Variants in CDV3 observed in about 807,000 individuals in gnomAD.
CDV3 encodes CDV3 homolog.
In CDV3, 14 loss-of-function variants were observed where a neutral mutation model predicts 24.5. The observed-to-expected ratio is 0.57, with a 90% CI of 0.38 to 0.89. CDV3 has a LOEUF of 0.89. Among genes scored for constraint, CDV3 ranks in the 40% least tolerant of loss-of-function variants. CDV3 has a pLI of 0.00. For synonymous variants in CDV3, 114 were observed against 114.1 expected, an observed-to-expected ratio of 1.00 and a Z score of 0.00; for missense variants, 304 against 310.2, an observed-to-expected ratio of 0.98 and a Z score of 0.15.
At chr3:133,581,108 C>T (rs961734789) in intron 2 of CDV3, among the ~76,000 whole-genome samples, 2 of 151,850 alleles carry the variant, frequency 1.3e-5, no homozygotes, top group Admixed American at 6.6e-5. Flanking sequence ...TGAGGCTGGG[C>T]GTGGTGGCTC....
At chr3:133,582,361 A>G (rs1200442854) in intron 2 of CDV3, among the ~76,000 whole-genome samples, 8 of 152,188 alleles carry the variant, frequency 5.3e-5, no homozygotes, top group Non-Finnish European at 1.2e-4. Context: ...CATGTTGGCC[A>G]GGCTGGTCTC....
chr3:133,575,125 G>A lies in CDV3; in HGVS notation c.317+10G>A. On this transcript the variant is annotated intron_variant, in intron 2 of 4. Transcript: ENST00000264993. ...AGGCAATGCAAATAAGGTATAGTCT[G>A]GTTACAAATGTGTTTAGATAACCTT... is the stretch of plus-strand genomic sequence containing the variant. 6.9e-7 allele frequency: 1 copy of A among 1,441,764 alleles called. No homozygotes were observed. The highest frequency in any genetic ancestry group is 9.8e-7 in the Non-Finnish European group (1 of 1,023,994). The allele number at this position is 1,441,764 out of a possible 1,614,324, so 89.3% of individuals were successfully genotyped here. A position where few individuals can be genotyped will look rare whatever the true frequency, so the allele number is the denominator to read the frequency against.
chr3:133,587,475 C>T (rs1933727364), intron 4 of CDV3: 10 of 1,132,854 alleles, frequency 8.8e-6, no homozygotes, highest in Non-Finnish European at 9.7e-6. Flanking sequence ...CAGATCCACT[C>T]CCACAAAATC....
At chr3:133,579,929 A>T (rs2074953321) in intron 2 of CDV3, among the ~76,000 whole-genome samples, 1 of 152,046 alleles carries the variant, frequency 6.6e-6, no homozygotes, top group African/African-American at 2.4e-5. Flanking sequence ...CCACATGTTT[A>T]GTTTAGCTAG....
At chr3:133,584,241 G>A in intron 3 of CDV3, 91 bp downstream of exon 3, 1 of 922,576 alleles carries the variant, frequency 1.1e-6, no homozygotes, top group South Asian at 1.7e-5. Flanking sequence ...GATTGTGGTA[G>A]GGTGAGGAGG....
Position 133,589,618 on chromosome 3 carries a change from A to G in CDV3, c.*1572A>G, listed in dbSNP as rs1933926505. The G allele has an allele frequency of 6.6e-6, 1 of 152,668 alleles. No individual in the cohort carries two copies. 9.5% of individuals were successfully genotyped at this position (152,668 alleles called of 1,614,324 possible). On this transcript the variant is annotated 3_prime_UTR_variant, in exon 5 of 5. Coordinates refer to ENST00000264993, the MANE Select transcript of CDV3 (RefSeq NM_017548.5). The stretch of plus-strand genomic sequence containing the variant: ...GAGTTGCAGACTTGCTACTGGCAAG[A>G]GTGAAGCAAGTGGGTGAGTAAAACT...
chr3:133,573,966 G>C lies in CDV3; in HGVS notation c.-79G>C. ...CGCCCGGCAGCGTGAGCGCAGAGCCGGCCTCGACCCCGAGCTCGGAGCCCC... is the reference window on the plus strand; with the variant it reads ...CGCCCGGCAGCGTGAGCGCAGAGCCCGCCTCGACCCCGAGCTCGGAGCCCC... On this transcript the variant is annotated 5_prime_UTR_variant, in exon 1 of 5. Coordinates refer to ENST00000264993, the MANE Select transcript of CDV3 (RefSeq NM_017548.5). The C allele has an allele frequency of 1.0e-6, 1 of 998,584 alleles. No homozygotes were observed. Among genetic ancestry groups the C allele is most frequent in the Non-Finnish European group, 1.2e-6 (1 of 839,118 alleles). The allele number at this position is 998,584 out of a possible 1,614,324, so 61.9% of individuals were successfully genotyped here.
chr3:133,587,242 A>T (rs555630070), intron 4 of CDV3: 5 of 1,295,120 alleles, frequency 3.9e-6, no homozygotes, highest in Admixed American at 3.7e-5. Context: ...TGAATTTTTT[A>T]AAATAAATAA....
Position 133,588,105 on chromosome 3 carries a change from G to C in CDV3, c.*59G>C, listed in dbSNP as rs766762181. 1.9e-6 allele frequency: 3 copies of C among 1,585,738 alleles called. No homozygotes were observed. The highest frequency in any genetic ancestry group is 2.6e-6 in the Non-Finnish European group (3 of 1,166,650). On this transcript the variant is annotated 3_prime_UTR_variant, in exon 5 of 5. Coordinates refer to ENST00000264993, the MANE Select transcript of CDV3 (RefSeq NM_017548.5). Reference sequence around the variant, plus strand: ...AGACTGCAGCTAACCACCACCAACAGCCATTCATCATCTGATCTCTGCTGG... The same window carrying C: ...AGACTGCAGCTAACCACCACCAACACCCATTCATCATCTGATCTCTGCTGG...
rs1441585545 is a variant in CDV3, at chr3:133,589,177, T to G, written c.*1131T>G. The G allele has an allele frequency of 6.5e-6, 1 of 152,680 alleles. No homozygotes were observed. Among genetic ancestry groups the G allele is most frequent in the Admixed American group, 6.5e-5 (1 of 15,282 alleles). The allele number at this position is 152,680 out of a possible 1,614,324, so 9.5% of individuals were successfully genotyped here. A position where few individuals can be genotyped will look rare whatever the true frequency, so the allele number is the denominator to read the frequency against. On this transcript the variant is annotated 3_prime_UTR_variant, in exon 5 of 5. Coordinates refer to ENST00000264993, the MANE Select transcript of CDV3 (RefSeq NM_017548.5). Reference sequence around the variant, plus strand: ...AGAGTAACATGAGCAAAACCTCAGCTAAAACCCATTTAAGTGGCATGGATT... The same window carrying G: ...AGAGTAACATGAGCAAAACCTCAGCGAAAACCCATTTAAGTGGCATGGATT...
Position 133,574,189 on chromosome 3 carries a change from G to C in CDV3, c.145G>C (p.Gly49Arg), listed in dbSNP as rs1431189876. Residue 49 changes from glycine (G) to arginine (R), a missense_variant, in exon 1 of 5, where the codon GGC (glycine) becomes CGC (arginine). Gly to Arg is a moderately radical substitution (Grantham distance 125). Transcript: ENST00000264993. Reference protein sequence around the residue: ...GGSSGAAGAAGGGAGAGTRPG... With the variant: ...GGSSGAAGAARGGAGAGTRPG... ...AAGCAGTGGAGCCGCGGGTGCGGCG[G>C]GCGGCGGGGCGGGCGCGGGGACCCG... is the stretch of plus-strand genomic sequence containing the variant. The C allele has an allele frequency of 9.8e-7, 1 of 1,021,156 alleles. No individual in the cohort carries two copies. Among genetic ancestry groups the C allele is most frequent in the African/African-American group, 1.7e-5 (1 of 57,374 alleles). 63.3% of individuals were successfully genotyped at this position (1,021,156 alleles called of 1,614,324 possible). A position where few individuals can be genotyped will look rare whatever the true frequency, so the allele number is the denominator to read the frequency against.
intron 2 of CDV3, among the ~76,000 whole-genome samples, chr3:133,581,057 TC>T (rs1932964791): frequency 6.6e-6 from 1 of 152,158 alleles, no homozygotes; most frequent in African/African-American, 2.4e-5. Flanking sequence ...CTGTCACTAT[TC>T]CATCAGACCA....
chr3:133,590,023 A>G lies in CDV3; in HGVS notation c.*1977A>G, dbSNP rs1933960561. ...GAACAGATGAGTAAGTGGAGGTGTTATGTAAAGGCATATTGTACTCGAAAT... is the reference window on the plus strand; with the variant it reads ...GAACAGATGAGTAAGTGGAGGTGTTGTGTAAAGGCATATTGTACTCGAAAT... On this transcript the variant is annotated 3_prime_UTR_variant, in exon 5 of 5. Transcript: ENST00000264993. The G allele has an allele frequency of 6.6e-6, 1 of 152,232 alleles. No individual in the cohort carries two copies. Among genetic ancestry groups the G allele is most frequent in the East Asian group, 1.9e-4 (1 of 5,198 alleles). The allele number at this position is 152,232 out of a possible 1,614,324, so 9.4% of individuals were successfully genotyped here.
At position 133,588,477 on chromosome 3, in the gene CDV3, G is replaced by C. The variant is rs566212456; in HGVS notation, c.*431G>C. 4.1e-5 allele frequency: 43 copies of C among 1,043,698 alleles called. No individual in the cohort carries two copies. Among genetic ancestry groups the C allele is most frequent in the Middle Eastern group, 2.0e-4 (1 of 4,986 alleles). The allele number at this position is 1,043,698 out of a possible 1,614,324, so 64.7% of individuals were successfully genotyped here. On this transcript the variant is annotated 3_prime_UTR_variant, in exon 5 of 5. Transcript: ENST00000264993. ...AGTGTCGATGTGAACCTTGCAACCA[G>C]CTCTACTGGATTCTTATCAGAAATC...
Position 133,586,645 on chromosome 3 carries a change from A to G in CDV3, c.549A>G (p.Pro183=), listed in dbSNP as rs769417410. Residue 183 remains proline (P), a synonymous_variant, in exon 4 of 5, where the codon CCA becomes CCG. Transcript: ENST00000264993. ...GARLTTTRKT[P]QGPPEIYSDT... is the part of the protein sequence containing the mutation. Reference sequence around the variant, plus strand: ...GGTTAACCACAACAAGGAAAACACCACAAGGACCACCAGAAATCTACAGTG... The same window carrying G: ...GGTTAACCACAACAAGGAAAACACCGCAAGGACCACCAGAAATCTACAGTG... 3 of 1,595,754 alleles carry G rather than the reference A, an allele frequency of 1.9e-6. No homozygotes were observed. Among genetic ancestry groups the G allele is most frequent in the Non-Finnish European group, 1.7e-6 (2 of 1,163,214 alleles).
At chr3:133,584,878 GT>G (rs1365191335) in intron 3 of CDV3, among the ~76,000 whole-genome samples, 2 of 152,140 alleles carry the variant, frequency 1.3e-5, no homozygotes, top group Non-Finnish European at 2.9e-5. Context: ...ATTTCATGGA[GT>G]GGGGGGCAGT....
chr3:133,585,284 C>T (rs907485693), intron 3 of CDV3, among the ~76,000 whole-genome samples: 11 of 152,312 alleles, frequency 7.2e-5, no homozygotes, highest in African/African-American at 2.6e-4. Context: ...AAGCAATCCT[C>T]CCACCTTAGC....
rs570021735 is a variant in CDV3 at position 133,590,044 on chromosome 3, G to A, written c.*1998G>A. 110 of 152,268 alleles carry A rather than the reference G, an allele frequency of 7.2e-4. No homozygotes were observed. The highest frequency in any genetic ancestry group is 2.6e-3 in the African/African-American group (107 of 41,546). The allele number at this position is 152,268 out of a possible 1,614,324, so 9.4% of individuals were successfully genotyped here. A position where few individuals can be genotyped will look rare whatever the true frequency, so the allele number is the denominator to read the frequency against. ...TGTTATGTAAAGGCATATTGTACTC[G>A]AAATCTGAAGACCTGCAGCAGATTT... On this transcript the variant is annotated 3_prime_UTR_variant, in exon 5 of 5. Transcript: ENST00000264993.
chr3:133,574,013 C>G lies in CDV3; in HGVS notation c.-32C>G, dbSNP rs539518053. 10 of 1,061,318 alleles carry G rather than the reference C, an allele frequency of 9.4e-6. No homozygotes were observed. The African/African-American group carries it at 1.5e-4, about 16-fold the overall frequency. The allele number at this position is 1,061,318 out of a possible 1,614,324, so 65.7% of individuals were successfully genotyped here. ...CCCCGCGGGCCGCGCCCGCCGCCGG[C>G]CCCACCCATCCGGGTCGAGGAGGCC... On this transcript the variant is annotated 5_prime_UTR_variant, in exon 1 of 5. Coordinates refer to ENST00000264993, the MANE Select transcript of CDV3 (RefSeq NM_017548.5).
Sources: gnomAD v4.1 joint callset for allele counts (sites outside exome capture counted in the v4.1 genomes callset) on GRCh38, gnomAD v4.1.1 for gene constraint, MANE v1.5 for transcripts, NCBI Gene and HGNC (gene_info 2026-07-23, HGNC 2026-07-21) for gene names.